The following ANO5 variants were observed in gnomAD, a reference collection of about 807,000 sequenced individuals.
ANO5 encodes anoctamin-5.
A neutral mutation model predicts 121.0 loss-of-function variants in ANO5; 109 were observed. That is an observed-to-expected ratio of 0.90 (90% CI 0.77 to 1.06). ANO5 has a LOEUF of 1.06. Among genes scored for constraint, ANO5 ranks in the 50% least tolerant of loss-of-function variants. The pLI, the probability that ANO5 is intolerant of heterozygous loss-of-function variation, is 0.00. For missense variants in ANO5, 1,064 were observed against 1,078.5 expected (o/e 0.99, Z 0.19); for synonymous variants, 406 against 359.9 (o/e 1.13, Z -1.45).
chr11:22,215,459 A>G (rs1045524787), intron 3 of ANO5, among the ~76,000 whole-genome samples: 1 of 151,938 alleles, frequency 6.6e-6, no homozygotes, highest in African/African-American at 2.4e-5. Context: ...TCAATTCTCA[A>G]ATTTGAGTTT....
At chr11:22,270,978 A>G (rs576897886) in intron 18 of ANO5, among the ~76,000 whole-genome samples, 1 of 152,300 alleles carries the variant, frequency 6.6e-6, no homozygotes, top group East Asian at 1.9e-4. Flanking sequence ...GCTTTCAGAG[A>G]GATTTTTCGG....
At chr11:22,265,435 G>A (rs1293312451) in intron 17 of ANO5, among the ~76,000 whole-genome samples, 2 of 151,986 alleles carry the variant, frequency 1.3e-5, no homozygotes, top group Admixed American at 6.6e-5. Flanking sequence ...AAATTGTCAC[G>A]GAAAGAACTA....
chr11:22,241,692 T>G (rs918408208), intron 9 of ANO5, among the ~76,000 whole-genome samples: 2 of 152,120 alleles, frequency 1.3e-5, no homozygotes, highest in Non-Finnish European at 2.9e-5. Context: ...GTATGTATTT[T>G]GAGAAGTGTC....
intron 3 of ANO5, among the ~76,000 whole-genome samples, chr11:22,213,932 T>C (rs1053686547): frequency 1.4e-5 from 2 of 144,802 alleles, no homozygotes; most frequent in Non-Finnish European, 1.5e-5. Flanking sequence ...GGACAGCATC[T>C]TGCTCTGTTG....
chr11:22,206,087 G>GA (rs1852112342), intron 2 of ANO5, among the ~76,000 whole-genome samples: 1 of 151,720 alleles, frequency 6.6e-6, no homozygotes, highest in Non-Finnish European at 1.5e-5. Flanking sequence ...GAAAATAGAA[G>GA]AAAAACAGAT....
intron 7 of ANO5, among the ~76,000 whole-genome samples, chr11:22,233,188 G>A (rs2085763259): frequency 6.6e-6 from 1 of 151,592 alleles, no homozygotes; most frequent in South Asian, 2.1e-4. Flanking sequence ...CTCCCATGGA[G>A]ACTGGGAGAT....
Position 22,280,082 on chromosome 11 carries a change from C to T in ANO5, c.*317C>T. 1 of 306,780 alleles carries T rather than the reference C, an allele frequency of 3.3e-6. No individual in the cohort carries two copies. Among genetic ancestry groups the T allele is most frequent in the Non-Finnish European group, 6.1e-6 (1 of 163,968 alleles). 19.0% of individuals were successfully genotyped at this position (306,780 alleles called of 1,614,324 possible). ...CTTGCAGTTTAGTAAGAAACACTGG[C>T]CTTGGGCTGTCCCATCACTTTCCAG... On this transcript the variant is annotated 3_prime_UTR_variant, in exon 22 of 22. Coordinates refer to ENST00000324559, the MANE Select transcript of ANO5 (RefSeq NM_213599.3).
chr11:22,245,602 G>A (rs1663497821), intron 9 of ANO5, among the ~76,000 whole-genome samples: 1 of 152,048 alleles, frequency 6.6e-6, no homozygotes, highest in African/African-American at 2.4e-5. Context: ...AGAATTATCA[G>A]ACTAAATTAT....
At chr11:22,217,058 G>A (rs969663740) in intron 3 of ANO5, among the ~76,000 whole-genome samples, 1 of 151,854 alleles carries the variant, frequency 6.6e-6, no homozygotes, top group African/African-American at 2.4e-5. Context: ...CATTTGTCTT[G>A]TATCTTTTGT....
chr11:22,262,380 C>T, intron 16 of ANO5, 82 bp downstream of exon 16: 1 of 1,474,904 alleles, frequency 6.8e-7, no homozygotes, highest in South Asian at 1.2e-5. Flanking sequence ...CACTGATTCA[C>T]ATGCTAAAAA....
chr11:22,193,123 G>A lies in ANO5; in HGVS notation c.-370G>A. 7 of 1,103,962 alleles carry A rather than the reference G, an allele frequency of 6.3e-6. No homozygotes were observed. Among genetic ancestry groups the A allele is most frequent in the Non-Finnish European group, 7.8e-6 (7 of 900,002 alleles). The allele number at this position is 1,103,962 out of a possible 1,614,324, so 68.4% of individuals were successfully genotyped here. On this transcript the variant is annotated 5_prime_UTR_variant, in exon 1 of 22. Transcript: ENST00000324559. ...GCGAGCACCGGGAGGAGTGGCGGCT[G>A]CGGGATCAGCTGCCGAGCAGGCACA...
rs1257336161 is a variant in ANO5, at chr11:22,256,420, GAAAGATCATGAAAACATCTCA to G, written c.1332+920_1332+940del. On this transcript the variant is annotated intron_variant, in intron 13 of 21. Coordinates refer to ENST00000324559, the MANE Select transcript of ANO5 (RefSeq NM_213599.3). ...CACTGAACAATTACTAAATTTCATTGAAAGATCATGAAAACATCTCAAAAGATCATGAAAACATCTCAGAAA... is the reference window on the plus strand; with the variant it reads ...CACTGAACAATTACTAAATTTCATTGAAAGATCATGAAAACATCTCAGAAA... 3.4e-4 allele frequency among the ~76,000 whole-genome samples: 51 copies of G among 152,104 alleles called. No homozygotes were observed. The East Asian group carries it at 4.6e-3, about 14-fold the overall frequency.
At chr11:22,192,884 C>A, upstream of ANO5, 2 of 738,266 alleles carry the variant, frequency 2.7e-6, no homozygotes, top group Non-Finnish European at 3.3e-6. Flanking sequence ...GGAGGAGGTG[C>A]GGGAGGCGGC....
chr11:22,264,079 A>G (rs1854282844), intron 17 of ANO5, among the ~76,000 whole-genome samples: 1 of 140,174 alleles, frequency 7.1e-6, no homozygotes, highest in African/African-American at 2.8e-5. Flanking sequence ...GCTGGAGTGC[A>G]ATGGCGCAAT....
At chr11:22,238,982 G>C (rs558966283) in intron 8 of ANO5, among the ~76,000 whole-genome samples, 4 of 152,180 alleles carry the variant, frequency 2.6e-5, no homozygotes, top group Admixed American at 2.6e-4. Context: ...ACAATACTTT[G>C]CTAGGCCATG....
At chr11:22,273,036 G>A (rs1564951534) in intron 19 of ANO5, 47 bp downstream of exon 19, 8 of 1,547,626 alleles carry the variant, frequency 5.2e-6, no homozygotes, top group Non-Finnish European at 5.4e-6. Context: ...TCATTTTGGG[G>A]GGTGTGGGGA....
chr11:22,239,002 T>G (rs1853331357), intron 8 of ANO5, among the ~76,000 whole-genome samples: 1 of 152,150 alleles, frequency 6.6e-6, no homozygotes, highest in Non-Finnish European at 1.5e-5. Context: ...GAAAAGATAT[T>G]AATAATATTA....
intron 12 of ANO5, among the ~76,000 whole-genome samples, chr11:22,252,185 T>C (rs1353200157): frequency 6.6e-6 from 1 of 152,056 alleles, no homozygotes; most frequent in Admixed American, 6.6e-5. Flanking sequence ...GCAGCCTAGA[T>C]TCAAAGAAAG....
intron 17 of ANO5, among the ~76,000 whole-genome samples, chr11:22,266,340 G>C (rs965937818): frequency 6.6e-6 from 1 of 152,024 alleles, no homozygotes; most frequent in Admixed American, 6.5e-5. Context: ...AATCACAGGT[G>C]CTTTTTCCTC....
Sources: gnomAD v4.1 joint callset for allele counts (sites outside exome capture counted in the v4.1 genomes callset) on GRCh38, gnomAD v4.1.1 for gene constraint, MANE v1.5 for transcripts, NCBI Gene and HGNC (gene_info 2026-07-23, HGNC 2026-07-21) for gene names.